Variants in DNAH10 observed in about 807,000 individuals in gnomAD.
DNAH10 encodes the protein axonemal beta dynein heavy chain 10.
Under a neutral mutation model 506.6 loss-of-function variants are expected in DNAH10, and 348 were observed. The ratio of observed to expected loss-of-function variants is 0.69; its 90% CI spans 0.63 to 0.75. DNAH10 has a LOEUF of 0.75. Ranked by LOEUF, DNAH10 falls within the 30% of genes least tolerant of loss-of-function variation. The probability of loss-of-function intolerance (pLI) is 0.00; values close to 1 mark genes in which losing one functional copy is unlikely to be tolerated. For missense variants in DNAH10, 5,179 were observed against 5,787.1 expected, an observed-to-expected ratio of 0.89 and a Z score of 3.41; for synonymous variants, 2,059 against 2,198.6, an observed-to-expected ratio of 0.94 and a Z score of 1.78.
rs1298925656 is a variant in DNAH10, at chr12:123,853,925, C to T, written c.6438+573C>T. On this transcript the variant is annotated intron_variant, in intron 36 of 78. Transcript: ENST00000673944. This position sits in a 1 kb window ranked among gnomAD's most constrained non-coding sequence, Gnocchi z 4.7. ...ACGCACATGTACACATACGCACACG[C>T]ACGCACACGCACACGCACACACACA... 6.7e-6 allele frequency among the ~76,000 whole-genome samples: 1 copy of T among 149,542 alleles called. No individual in the cohort carries two copies. Among genetic ancestry groups the T allele is most frequent in the African/African-American group, 2.5e-5 (1 of 40,666 alleles).
intron 19 of DNAH10, among the ~76,000 whole-genome samples, chr12:123,812,412 C>A (rs1198779910): frequency 6.6e-6 from 1 of 152,108 alleles, no homozygotes; most frequent in East Asian, 1.9e-4. Context: ...GATTGCGCCA[C>A]TGCACTCCAG....
chr12:123,901,862 T>C (rs1953539045), intron 56 of DNAH10, among the ~76,000 whole-genome samples: 1 of 152,154 alleles, frequency 6.6e-6, no homozygotes, highest in South Asian at 2.1e-4. Context: ...GGTTTCGCCA[T>C]GTTGGCCAGG....
chr12:123,923,052 TAAAC>T (rs1954796548), intron 65 of DNAH10: 1 of 152,176 alleles, frequency 6.6e-6, no homozygotes, highest in Non-Finnish European at 1.5e-5. Context: ...AATTTTGACT[TAAAC>T]AATTTTTTTT....
At chr12:123,830,437 A>T in intron 25 of DNAH10, 109 bp from the exon 26 acceptor site, 1 of 1,249,192 alleles carries the variant, frequency 8.0e-7, no homozygotes, top group Non-Finnish European at 1.1e-6. Context: ...GCAGAATTTC[A>T]TTATAAGAAG....
Position 123,902,956 on chromosome 12 carries a change from C to G in DNAH10, c.9658C>G (p.Leu3220Val). Reference protein sequence around the residue: ...NTAVAEEKKKLAEEKAMEIEE... With the variant: ...NTAVAEEKKKVAEEKAMEIEE... ...CCCTGCAGCCGAGGAGAAGAAGAAA[C>G]TGGCAGAGGAAAAGGCCATGGAGAT... is the stretch of plus-strand genomic sequence containing the variant. The change falls in exon 57 of 79, where the codon CTG becomes GTG. Residue 3220 changes from leucine to valine, a missense_variant. By Grantham distance (32) the Leu-to-Val change is conservative. This residue lies in a region of DNAH10 where 4,844 missense variants were observed against 5,430.5 expected (regional missense o/e 0.89). Coordinates refer to ENST00000673944, the MANE Select transcript of DNAH10 (RefSeq NM_001372106.1). The surrounding 1 kb of genome is among the most constrained non-coding windows in gnomAD (Gnocchi z 4.5). 6.3e-7 allele frequency: 1 copy of G among 1,588,648 alleles called. No homozygotes were observed. The highest frequency in any genetic ancestry group is 8.6e-7 in the Non-Finnish European group (1 of 1,167,966).
chr12:123,891,190 C>T (rs1198223868), intron 52 of DNAH10, among the ~76,000 whole-genome samples: 2 of 152,042 alleles, frequency 1.3e-5, no homozygotes, highest in Non-Finnish European at 2.9e-5. Context: ...TCCCTGTCTT[C>T]GTTGTCACGT....
At position 123,801,291 on chromosome 12, in the gene DNAH10, G is replaced by T. The variant is rs1360712846; in HGVS notation, c.2473G>T (p.Gly825Trp). The change falls in exon 16 of 79, where the codon GGG becomes TGG. Residue 825 changes from glycine to tryptophan, a missense_variant. By Grantham distance (184) the Gly-to-Trp change is radical. Around this residue, in one of 3 missense-constraint regions of DNAH10, gnomAD observed 4,844 missense variants for 5,430.5 expected, o/e 0.89. Transcript: ENST00000673944. ...TCCTGTCATGTGCAGGTACACAGCT[G>T]GGATACAGCGCATGTTGGATCATTA... ...QEDKFLRYTA[G>W]IQRMLDHYHM... is the part of the protein sequence containing the mutation. The T allele has an allele frequency of 3.1e-6, 5 of 1,613,928 alleles. No homozygotes were observed. The South Asian group carries it at 3.3e-5, about 11-fold the overall frequency.
In DNAH10 at chr12:123,926,621, G is replaced by A. The variant is rs774006779; in HGVS notation, c.11922-16G>A. On this transcript the variant is annotated splice_polypyrimidine_tract_variant and intron_variant, in intron 68 of 78. Coordinates refer to ENST00000673944, the MANE Select transcript of DNAH10 (RefSeq NM_001372106.1). This position sits in a 1 kb window ranked among gnomAD's most constrained non-coding sequence, Gnocchi z 4.1. ...GTCCTCGCGGGAGAGTTTTCTGACT[G>A]TGTTTCTTTCACCAGGTATGTGCAG... 9 of 1,607,480 alleles carry A rather than the reference G, an allele frequency of 5.6e-6. No individual in the cohort carries two copies. Among genetic ancestry groups the A allele is most frequent in the Non-Finnish European group, 7.7e-6 (9 of 1,176,224 alleles).
At position 123,921,691 on chromosome 12, in the gene DNAH10, GTTTTTTTTTTTTTTTTTTTTT is replaced by G. The variant is rs35553163; in HGVS notation, c.11507-2052_11507-2032del. 1.6e-4 allele frequency among the ~76,000 whole-genome samples: 10 copies of G among 62,834 alleles called. 2 individuals carry two copies. Among genetic ancestry groups the G allele is most frequent in the South Asian group, 8.7e-4 (1 of 1,156 alleles). 41.2% of individuals were successfully genotyped at this position (62,834 alleles called of 152,430 possible). ...CTTGTCCATCTGTCTGTAGCTTGCAGTTTTTTTTTTTTTTTTTTTTTTTTTTTTTTTTTTTTTTTTGAGACA... is the reference window on the plus strand; with the variant it reads ...CTTGTCCATCTGTCTGTAGCTTGCAGTTTTTTTTTTTTTTTTTTTGAGACA... On this transcript the variant is annotated intron_variant, in intron 65 of 78. Transcript: ENST00000673944.
intron 2 of DNAH10, among the ~76,000 whole-genome samples, chr12:123,768,665 T>G (rs943892485): frequency 1.1e-4 from 17 of 152,350 alleles, no homozygotes; most frequent in African/African-American, 3.8e-4. Context: ...CTTTGTACTT[T>G]GTTTTGTAGG....
chr12:123,832,350 A>G (rs1001394973), intron 26 of DNAH10, among the ~76,000 whole-genome samples: 2 of 152,238 alleles, frequency 1.3e-5, no homozygotes, highest in Non-Finnish European at 2.9e-5. Context: ...ACACATATAC[A>G]TATACACACA....
Position 123,919,115 on chromosome 12 carries a change from AC to A in DNAH10, c.11506+169del. On this transcript the variant is annotated intron_variant, in intron 65 of 78. Transcript: ENST00000673944. The surrounding 1 kb of genome is among the most constrained non-coding windows in gnomAD (Gnocchi z 4.9). ...TTTTGAGATAGGGTCTTGCTCCATC[AC>A]CCAGGCTGGAATGCAGTGGTGCGAT... is the stretch of plus-strand genomic sequence containing the variant. The A allele has an allele frequency of 2.2e-6, 2 of 899,748 alleles. No individual in the cohort carries two copies. The highest frequency in any genetic ancestry group is 3.2e-6 in the Non-Finnish European group (2 of 630,106). 55.7% of individuals were successfully genotyped at this position (899,748 alleles called of 1,614,324 possible).
intron 31 of DNAH10, 43 bp downstream of exon 31, chr12:123,845,912 T>C: frequency 6.2e-7 from 1 of 1,612,686 alleles, no homozygotes; most frequent in Non-Finnish European, 8.5e-7. Context: ...AAGGGACCCT[T>C]TGTGGTCCGC....
rs118161711 is a variant in DNAH10 at position 123,843,126 on chromosome 12, G to A, written c.5360+1581G>A. Among the ~76,000 whole-genome samples, 155 of 152,396 alleles carry A rather than the reference G, an allele frequency of 1.0e-3. 1 individual carries two copies. The highest frequency in any genetic ancestry group is 6.8e-3 in the Middle Eastern group (2 of 294). ...GGTAGTGCTGAGTTGGTGGAAGAGA[G>A]TAAGGGAATGCAGCCTGATGGACTG... On this transcript the variant is annotated intron_variant, in intron 30 of 78. Transcript: ENST00000673944.
rs114121674 is a variant in DNAH10, at chr12:123,908,354, C to T, written c.9816-907C>T. On this transcript the variant is annotated intron_variant, in intron 57 of 78. Transcript: ENST00000673944. ...CTCACCCCAGCCTCCTACCAGAGCA[C>T]AAATGCCTGGGCCCCTGCCTGGCCG... 3,408 of 456,124 alleles carry T rather than the reference C, an allele frequency of 7.5e-3. 100 individuals carry two copies. Among genetic ancestry groups the T allele is most frequent in the African/African-American group, 0.061 (3,036 of 50,122 alleles). 28.3% of individuals were successfully genotyped at this position (456,124 alleles called of 1,614,324 possible).
intron 1 of DNAH10, among the ~76,000 whole-genome samples, chr12:123,763,388 G>GCTA (rs1302593686): frequency 6.6e-6 from 1 of 151,976 alleles, no homozygotes; most frequent in East Asian, 1.9e-4. Flanking sequence ...CTGGAGCACA[G>GCTA]CTACCGGGAC....
intron 1 of DNAH10, among the ~76,000 whole-genome samples, chr12:123,765,565 T>TATCTATCTATC (rs956692861): frequency 1.1e-4 from 1 of 8,920 alleles, no homozygotes; most frequent in Non-Finnish European, 3.3e-4. Flanking sequence ...ATCTATACTT[T>TATCTATCTATC]ATCTATCTAT....
rs1035584061 is a variant in DNAH10, at chr12:123,850,921, A to G, written c.6136A>G (p.Met2046Val). ...GCAGGAGATTTCCCTGGACTCCCGC[A>G]TGGGCATCTTCATCACCATGAACCC... ...EGQEISLDSRMGIFITMNPGY... is the reference protein window; with the variant it reads ...EGQEISLDSRVGIFITMNPGY... Residue 2046 changes from methionine (M) to valine (V), a missense_variant, in exon 35 of 79, where the codon ATG becomes GTG. Coordinates refer to ENST00000673944, the MANE Select transcript of DNAH10 (RefSeq NM_001372106.1). This position sits in a 1 kb window ranked among gnomAD's most constrained non-coding sequence, Gnocchi z 5.5. 1.2e-6 allele frequency: 2 copies of G among 1,613,576 alleles called. No individual in the cohort carries two copies. The highest frequency in any genetic ancestry group is 1.7e-6 in the Non-Finnish European group (2 of 1,179,712).
At chr12:123,824,783 C>T (rs1198439414) in intron 24 of DNAH10, among the ~76,000 whole-genome samples, 1 of 152,104 alleles carries the variant, frequency 6.6e-6, no homozygotes, top group Non-Finnish European at 1.5e-5. Flanking sequence ...GCCTCTGTGT[C>T]TGTTTTCTCT....
Sources: gnomAD v4.1 joint callset for allele counts (sites outside exome capture counted in the v4.1 genomes callset) on GRCh38, gnomAD v4.1.1 for gene constraint, gnomAD v4.1.1 regional missense constraint, Gnocchi (gnomAD v3.1) non-coding constraint, MANE v1.5 for transcripts, NCBI Gene and HGNC (gene_info 2026-07-23, HGNC 2026-07-21) for gene names.